Variants in CHRNA4 observed in about 807,000 individuals in gnomAD.
CHRNA4 encodes the protein cholinergic receptor nicotinic alpha 4 subunit, also known as neuronal acetylcholine receptor subunit alpha-4.
In CHRNA4, 28 loss-of-function variants were observed where a neutral mutation model predicts 48.9. That is an observed-to-expected ratio of 0.57 (90% confidence interval 0.42 to 0.79). The LOEUF (loss-of-function observed/expected upper bound fraction) is 0.79, where lower values mean the gene tolerates loss of function less well. Ranked by LOEUF, CHRNA4 falls within the 30% of genes least tolerant of loss-of-function variation. The probability of loss-of-function intolerance (pLI) is 0.00; values close to 1 mark genes in which losing one functional copy is unlikely to be tolerated. For synonymous variants in CHRNA4, 425 were observed against 402.3 expected (o/e 1.06, Z -0.68); for missense variants, 859 against 898.4 (o/e 0.96, Z 0.56).
At chr20:63,355,896 C>T in intron 4 of CHRNA4, 79 bp downstream of exon 4, 7 of 1,574,206 alleles carry the variant, frequency 4.4e-6, no homozygotes, top group Non-Finnish European at 6.0e-6. Context: ...GTGGAGCTCC[C>T]TGTCTGGGCA....
At position 63,343,972 on chromosome 20, in the gene CHRNA4, G is replaced by A. The variant is rs778867577; in HGVS notation, c.*2766C>T. On this transcript the variant is annotated 3_prime_UTR_variant, in exon 6 of 6. Coordinates refer to ENST00000370263, the MANE Select transcript of CHRNA4 (RefSeq NM_000744.7). ...GAAAGATGTTAAAACATTAACAGATGCAGAAAATAAACATGCATAACGGAT... is the reference window on the plus strand; with the variant it reads ...GAAAGATGTTAAAACATTAACAGATACAGAAAATAAACATGCATAACGGAT... 3 of 454,040 alleles carry A rather than the reference G, an allele frequency of 6.6e-6. No homozygotes were observed. Among genetic ancestry groups the A allele is most frequent in the African/African-American group, 2.0e-5 (1 of 49,996 alleles). 28.1% of individuals were successfully genotyped at this position (454,040 alleles called of 1,614,324 possible).
Position 63,349,696 on chromosome 20 carries a change from T to C in CHRNA4, c.1715A>G (p.Gln572Arg), listed in dbSNP as rs113794453. The stretch of plus-strand genomic sequence containing the variant: ...GGCCTTCAGGTGGTCTGCAATGTAC[T>C]GGACGCCCTCCACCGCCCGGGTCAG... ...PALTRAVEGV[Q>R]YIADHLKAED... Residue 572 changes from glutamine to arginine, a missense_variant, in exon 5 of 6, where the codon CAG (glutamine) becomes CGG (arginine). Coordinates refer to ENST00000370263, the MANE Select transcript of CHRNA4 (RefSeq NM_000744.7). The C allele has an allele frequency of 1.5e-4, 240 of 1,612,838 alleles. No homozygotes were observed. The highest frequency in any genetic ancestry group is 2.0e-4 in the Non-Finnish European group (236 of 1,179,894).
At chr20:63,359,235 C>T (rs1027670061) in intron 2 of CHRNA4, among the ~76,000 whole-genome samples, 17 of 152,336 alleles carry the variant, frequency 1.1e-4, no homozygotes, top group African/African-American at 3.8e-4. Context: ...TGCCCCGCCA[C>T]CCCCAAGCAA....
chr20:63,359,861 C>CATGCGCTGTGTGTGTGTGT (rs2068780670), intron 1 of CHRNA4, 162 bp from the exon 2 acceptor site: 7 of 824,386 alleles, frequency 8.5e-6, no homozygotes, highest in East Asian at 2.8e-5. Flanking sequence ...GTGTGCCGGG[C>CATGCGCTGTGTGTGTGTGT]GTGCGCTCTG....
intron 2 of CHRNA4, among the ~76,000 whole-genome samples, chr20:63,356,811 C>T (rs912895173): frequency 3.9e-5 from 6 of 152,188 alleles, no homozygotes; most frequent in African/African-American, 1.4e-4. Flanking sequence ...GCAAAGCTGC[C>T]CCTGGCACAT....
rs1170762365 is a variant in CHRNA4 at position 63,344,061 on chromosome 20, T to C, written c.*2677A>G. On this transcript the variant is annotated 3_prime_UTR_variant, in exon 6 of 6. Coordinates refer to ENST00000370263, the MANE Select transcript of CHRNA4 (RefSeq NM_000744.7). The surrounding 1 kb of genome is among the most constrained non-coding windows in gnomAD (Gnocchi z 4.5). ...ACCGACAGCTGCAAGCAAAGTCCACTAACAGGTGATGGACAAACTGCGTCT... is the reference window on the plus strand; with the variant it reads ...ACCGACAGCTGCAAGCAAAGTCCACCAACAGGTGATGGACAAACTGCGTCT... 8.8e-6 allele frequency: 4 copies of C among 453,972 alleles called. No homozygotes were observed. Among genetic ancestry groups the C allele is most frequent in the Non-Finnish European group, 1.8e-5 (4 of 226,800 alleles). The allele number at this position is 453,972 out of a possible 1,614,324, so 28.1% of individuals were successfully genotyped here.
At position 63,344,823 on chromosome 20, in the gene CHRNA4, G is replaced by A. The variant is rs189029354; in HGVS notation, c.*1915C>T. 196 of 450,664 alleles carry A rather than the reference G, an allele frequency of 4.3e-4. No homozygotes were observed. The highest frequency in any genetic ancestry group is 7.7e-4 in the Non-Finnish European group (173 of 224,736). 27.9% of individuals were successfully genotyped at this position (450,664 alleles called of 1,614,324 possible). A position where few individuals can be genotyped will look rare whatever the true frequency, so the allele number is the denominator to read the frequency against. ...TCCCTGCGTCCTGGGAGCTCTGGCCGAGGAGCAGCAGGGGCTGATGGCAGA... is the reference window on the plus strand; with the variant it reads ...TCCCTGCGTCCTGGGAGCTCTGGCCAAGGAGCAGCAGGGGCTGATGGCAGA... On this transcript the variant is annotated 3_prime_UTR_variant, in exon 6 of 6. Transcript: ENST00000370263. This position sits in a 1 kb window ranked among gnomAD's most constrained non-coding sequence, Gnocchi z 4.5.
At position 63,346,729 on chromosome 20, in the gene CHRNA4, G is replaced by A. The variant is rs377309369; in HGVS notation, c.*9C>T. 21 of 1,605,320 alleles carry A rather than the reference G, an allele frequency of 1.3e-5. No individual in the cohort carries two copies. Among genetic ancestry groups the A allele is most frequent in the Non-Finnish European group, 1.6e-5 (19 of 1,178,478 alleles). On this transcript the variant is annotated 3_prime_UTR_variant, in exon 6 of 6. Coordinates refer to ENST00000370263, the MANE Select transcript of CHRNA4 (RefSeq NM_000744.7). ...GCAGCCCCAGGCCACGCAGGCTCCC[G>A]GTCCCTTCCTAGATCATGCCAGCCA... is the stretch of plus-strand genomic sequence containing the variant.
chr20:63,354,316 A>G (rs1361006961), intron 4 of CHRNA4, among the ~76,000 whole-genome samples: 88 of 51,902 alleles, frequency 1.7e-3, no homozygotes, highest in South Asian at 5.9e-3. Flanking sequence ...CCTGGGGGGG[A>G]GCTGCTGTCC....
chr20:63,349,603 C>T (rs368349375), intron 5 of CHRNA4, 50 bp downstream of exon 5: 60 of 1,607,964 alleles, frequency 3.7e-5, no homozygotes, highest in Non-Finnish European at 4.6e-5. Flanking sequence ...GGGCGTCCGC[C>T]GGTTCCGTCT....
At chr20:63,351,131 A>ATCCACGCCCACG (rs2068594380) in intron 4 of CHRNA4, 104 bp from the exon 5 acceptor site, 7 of 761,522 alleles carry the variant, frequency 9.2e-6, no homozygotes, top group Admixed American at 3.8e-5. Flanking sequence ...CCACACCCAC[A>ATCCACGCCCACG]TCCACGCCCA....
chr20:63,350,000 T>C lies in CHRNA4; in HGVS notation c.1411A>G (p.Met471Val), dbSNP rs1568808418. Residue 471 changes from methionine (M) to valine (V), a missense_variant, in exon 5 of 6, where the codon ATG (methionine) becomes GTG (valine). Met to Val is a conservative substitution (Grantham distance 21). Around this residue, in one of 3 missense-constraint regions of CHRNA4, gnomAD observed 478 missense variants for 455.4 expected, o/e 1.05. Coordinates refer to ENST00000370263, the MANE Select transcript of CHRNA4 (RefSeq NM_000744.7). ...AKARSLSVQHMSSPGEAVEGG... is the reference protein window; with the variant it reads ...AKARSLSVQHVSSPGEAVEGG... ...TCCACCGCTTCGCCAGGGCTGGACA[T>C]GTGCTGGACGCTGAGGGACCTGGCT... is the stretch of plus-strand genomic sequence containing the variant. The C allele has an allele frequency of 7.8e-6, 12 of 1,538,698 alleles. No individual in the cohort carries two copies. In the South Asian group the frequency reaches 1.2e-4, roughly 16 times the overall value.
chr20:63,347,457 G>A (rs772465988), intron 5 of CHRNA4, among the ~76,000 whole-genome samples: 2 of 152,348 alleles, frequency 1.3e-5, no homozygotes, highest in African/African-American at 2.4e-5. Flanking sequence ...ATATCTGAAC[G>A]GGGACAGCGG....
chr20:63,352,853 ACC>A (rs564332424), intron 4 of CHRNA4, among the ~76,000 whole-genome samples: 1 of 129,920 alleles, frequency 7.7e-6, no homozygotes, highest in African/African-American at 3.0e-5. Flanking sequence ...GTCCCACAGC[ACC>A]CCTGGGCTGC....
rs1439636647 is a variant in CHRNA4 at position 63,344,737 on chromosome 20, C to G, written c.*2001G>C. ...TGAAATCTGCGTCTCTATCCCTCCT[C>G]TGAGACCAGTGTCTCCTGCCAGCTT... On this transcript the variant is annotated 3_prime_UTR_variant, in exon 6 of 6. Coordinates refer to ENST00000370263, the MANE Select transcript of CHRNA4 (RefSeq NM_000744.7). The surrounding 1 kb of genome is among the most constrained non-coding windows in gnomAD (Gnocchi z 4.5). The G allele has an allele frequency of 2.2e-6, 1 of 454,146 alleles. No homozygotes were observed. The highest frequency in any genetic ancestry group is 4.4e-6 in the Non-Finnish European group (1 of 226,806). 28.1% of individuals were successfully genotyped at this position (454,146 alleles called of 1,614,324 possible).
chr20:63,344,452 GGT>G lies in CHRNA4; in HGVS notation c.*2284_*2285del. 2 of 453,534 alleles carry G rather than the reference GGT, an allele frequency of 4.4e-6. No individual in the cohort carries two copies. Among genetic ancestry groups the G allele is most frequent in the Non-Finnish European group, 8.8e-6 (2 of 226,658 alleles). The allele number at this position is 453,534 out of a possible 1,614,324, so 28.1% of individuals were successfully genotyped here. ...ATTGTTGTCAAGGTTAATTTGGCGT[GGT>G]GGGAATATGGTGCTTTATTTGGATT... On this transcript the variant is annotated 3_prime_UTR_variant, in exon 6 of 6. Transcript: ENST00000370263. This position sits in a 1 kb window ranked among gnomAD's most constrained non-coding sequence, Gnocchi z 4.5.
chr20:63,347,062 G>T lies in CHRNA4; in HGVS notation c.1759-199C>A, dbSNP rs958507188. On this transcript the variant is annotated intron_variant, in intron 5 of 5. Transcript: ENST00000370263. ...CACGGGACAGCCAGTGCTCTGCGGGGGGCATCATCACCATGGTATGGGGCA... is the reference window on the plus strand; with the variant it reads ...CACGGGACAGCCAGTGCTCTGCGGGTGGCATCATCACCATGGTATGGGGCA... 42 of 723,354 alleles carry T rather than the reference G, an allele frequency of 5.8e-5. No individual in the cohort carries two copies. The African/African-American group carries it at 6.3e-4, about 11-fold the overall frequency. 44.8% of individuals were successfully genotyped at this position (723,354 alleles called of 1,614,324 possible). A position where few individuals can be genotyped will look rare whatever the true frequency, so the allele number is the denominator to read the frequency against.
intron 4 of CHRNA4, among the ~76,000 whole-genome samples, chr20:63,352,599 C>G (rs1217157509): frequency 6.6e-6 from 1 of 152,202 alleles, no homozygotes; most frequent in African/African-American, 2.4e-5. Flanking sequence ...AAGTTTGCTC[C>G]CTCTCCCCAG....
At chr20:63,359,907 G>GTGTGTGCCGGGCGTGCGCTGTA in intron 1 of CHRNA4, 3 of 427,254 alleles carry the variant, frequency 7.0e-6, no homozygotes, top group South Asian at 2.5e-5. Flanking sequence ...CTGTGTGTGT[G>GTGTGTGCCGGGCGTGCGCTGTA]TGTGTGTGTG....
Sources: gnomAD v4.1 joint callset for allele counts (sites outside exome capture counted in the v4.1 genomes callset) on GRCh38, gnomAD v4.1.1 for gene constraint, gnomAD v4.1.1 regional missense constraint, Gnocchi (gnomAD v3.1) non-coding constraint, MANE v1.5 for transcripts, NCBI Gene and HGNC (gene_info 2026-07-23, HGNC 2026-07-21) for gene names.